Variants in IL1RAPL2 observed in about 807,000 individuals in gnomAD.
IL1RAPL2 encodes interleukin 1 receptor accessory protein like 2.
IL1RAPL2 carries 3 observed loss-of-function variants against 44.1 expected under a neutral mutation model. The observed-to-expected ratio is 0.07, with a 90% CI of 0.03 to 0.18. IL1RAPL2 has a LOEUF of 0.18. IL1RAPL2 is among the 10% of genes least tolerant of loss of function. IL1RAPL2 has a pLI of 1.00. For missense variants in IL1RAPL2, 391 were observed against 496.4 expected (o/e 0.79, Z 2.02); for synonymous variants, 181 against 178.8 (o/e 1.01, Z -0.10).
chrX:105,009,917 T>C (rs2031019760), intron 2 of IL1RAPL2, among the ~76,000 whole-genome samples: 1 of 110,712 alleles, frequency 9.0e-6, no homozygotes, highest in Non-Finnish European at 1.9e-5. Context: ...TAAAGAAGCT[T>C]AGCTTTGAGA....
intron 2 of IL1RAPL2, among the ~76,000 whole-genome samples, chrX:104,704,032 AT>A (rs3833406): frequency 0.37 from 41,038 of 110,337 alleles, 5,940 homozygotes; most frequent in East Asian, 0.46. Flanking sequence ...GTGAAATCAG[AT>A]TTTTTTCCAG....
chrX:104,948,709 C>G (rs1437284846), intron 2 of IL1RAPL2, among the ~76,000 whole-genome samples: 2 of 110,581 alleles, frequency 1.8e-5, no homozygotes, highest in East Asian at 2.9e-4. Flanking sequence ...TGTTTATATG[C>G]TGGATTACGT....
rs1290417808 is a variant in IL1RAPL2 at position 104,655,508 on chromosome X, C to T, written c.-19-3387C>T. 2.7e-5 allele frequency among the ~76,000 whole-genome samples: 3 copies of T among 111,881 alleles called. No individual in the cohort carries two copies. In the East Asian group the frequency reaches 8.4e-4, roughly 31 times the overall value. ...TGCATATTTTGAACCAGCCTTGCAT[C>T]CCAGGGATGAAGCCCACTTGATCAT... On this transcript the variant is annotated intron_variant, in intron 1 of 10. Coordinates refer to ENST00000372582, the MANE Select transcript of IL1RAPL2 (RefSeq NM_017416.2).
chrX:105,631,158 GA>G (rs754841783), intron 6 of IL1RAPL2, among the ~76,000 whole-genome samples: 11 of 109,191 alleles, frequency 1.0e-4, no homozygotes, highest in Admixed American at 2.9e-4. Context: ...GTGATAGGGA[GA>G]AAAAAAAATG....
chrX:104,974,719 C>A (rs145024024), intron 2 of IL1RAPL2, among the ~76,000 whole-genome samples: 1 of 112,129 alleles, frequency 8.9e-6, no homozygotes, highest in Admixed American at 9.4e-5. Flanking sequence ...AATGTTCAAG[C>A]GGCTGCTTGT....
intron 2 of IL1RAPL2, among the ~76,000 whole-genome samples, chrX:104,790,365 A>G (rs1250613184): frequency 9.0e-6 from 1 of 111,027 alleles, no homozygotes; most frequent in Non-Finnish European, 1.9e-5. Flanking sequence ...TCATTTTTCA[A>G]CTTGGTGTCT....
At chrX:104,968,959 G>A (rs1215083355) in intron 2 of IL1RAPL2, among the ~76,000 whole-genome samples, 1 of 100,004 alleles carries the variant, frequency 1.0e-5, no homozygotes, top group African/African-American at 3.8e-5. Context: ...TCCCAACAGG[G>A]TTTTGTTTTT....
chrX:104,759,580 G>T (rs1451448862), intron 2 of IL1RAPL2, among the ~76,000 whole-genome samples: 5 of 110,998 alleles, frequency 4.5e-5, no homozygotes, highest in Non-Finnish European at 9.4e-5. Flanking sequence ...CTTCTTAGTA[G>T]CACAAATATT....
intron 2 of IL1RAPL2, among the ~76,000 whole-genome samples, chrX:104,764,440 CT>C (rs1002545489): frequency 1.8e-5 from 2 of 111,740 alleles, no homozygotes; most frequent in African/African-American, 6.5e-5. Flanking sequence ...TTTATAAGTT[CT>C]AATAATTTTC....
At chrX:104,829,203 A>G (rs1921543962) in intron 2 of IL1RAPL2, among the ~76,000 whole-genome samples, 1 of 111,818 alleles carries the variant, frequency 8.9e-6, no homozygotes, top group South Asian at 3.7e-4. Context: ...CAGCTAGCTC[A>G]GTGTCTGCCC....
intron 1 of IL1RAPL2, among the ~76,000 whole-genome samples, chrX:104,584,459 T>A (rs1928468647): frequency 9.0e-6 from 1 of 111,110 alleles, no homozygotes; most frequent in African/African-American, 3.3e-5. Context: ...AATAGTTTTT[T>A]TTTTTTTAAG....
intron 1 of IL1RAPL2, among the ~76,000 whole-genome samples, chrX:104,573,497 A>G (rs1181801270): frequency 8.9e-6 from 1 of 112,126 alleles, no homozygotes; most frequent in Non-Finnish European, 1.9e-5. Context: ...ACGTTCACAA[A>G]GGTGACTGCT....
chrX:105,183,271 G>A lies in IL1RAPL2; in HGVS notation c.83-12204G>A, dbSNP rs1197895927. ...GGGGGGGCAATGGTTGGTGTTACTTGGAGCAACTCCAAGCCAGTGGGCAGC... is the reference window on the plus strand; with the variant it reads ...GGGGGGGCAATGGTTGGTGTTACTTAGAGCAACTCCAAGCCAGTGGGCAGC... On this transcript the variant is annotated intron_variant, in intron 2 of 10. Transcript: ENST00000372582. Among the ~76,000 whole-genome samples, 3 of 111,461 alleles carry A rather than the reference G, an allele frequency of 2.7e-5. No homozygotes were observed. In the Admixed American group the frequency reaches 2.8e-4, roughly 11 times the overall value.
intron 2 of IL1RAPL2, among the ~76,000 whole-genome samples, chrX:104,865,824 G>A (rs770884356): frequency 4.0e-4 from 45 of 112,949 alleles, no homozygotes; most frequent in Admixed American, 3.7e-4. Flanking sequence ...ACTGAAGGCT[G>A]CACTGTCAGC....
chrX:104,735,095 C>T (rs1380530771), intron 2 of IL1RAPL2, among the ~76,000 whole-genome samples: 1 of 111,180 alleles, frequency 9.0e-6, no homozygotes, highest in Non-Finnish European at 1.9e-5. Flanking sequence ...ATGGAAATTG[C>T]ATGGAAGAGA....
chrX:105,009,990 A>T (rs1393790981), intron 2 of IL1RAPL2, among the ~76,000 whole-genome samples: 2 of 110,998 alleles, frequency 1.8e-5, no homozygotes, highest in Admixed American at 1.9e-4. Context: ...TATTTTTAAA[A>T]TTTACTGTAT....
chrX:105,573,274 G>T (rs867575335), intron 6 of IL1RAPL2, among the ~76,000 whole-genome samples: 2 of 110,747 alleles, frequency 1.8e-5, no homozygotes, highest in Non-Finnish European at 3.8e-5. Flanking sequence ...TCCTAGGCTG[G>T]TTTCAAATTC....
intron 5 of IL1RAPL2, among the ~76,000 whole-genome samples, chrX:105,395,949 T>A: frequency 9.0e-6 from 1 of 111,724 alleles, no homozygotes; most frequent in East Asian, 2.8e-4. Flanking sequence ...CTCCAGGGGA[T>A]TTTTTTGCAT....
chrX:105,146,646 C>G (rs2033182181), intron 2 of IL1RAPL2, among the ~76,000 whole-genome samples: 1 of 111,098 alleles, frequency 9.0e-6, no homozygotes, highest in Non-Finnish European at 1.9e-5. Flanking sequence ...GTTATCTTAC[C>G]AAACCAAATT....
Sources: gnomAD v4.1 joint callset for allele counts (sites outside exome capture counted in the v4.1 genomes callset) on GRCh38, gnomAD v4.1.1 for gene constraint, MANE v1.5 for transcripts, NCBI Gene and HGNC (gene_info 2026-07-23, HGNC 2026-07-21) for gene names.